ROBO2: variants seen among roughly 807,000 people sequenced by gnomAD.
ROBO2 encodes roundabout guidance receptor 2.
Under a neutral mutation model 160.8 loss-of-function variants are expected in ROBO2, and 53 were observed. The observed-to-expected ratio is 0.33, with a 90% confidence interval of 0.26 to 0.41. ROBO2 has a LOEUF of 0.41. Ranked by LOEUF, ROBO2 falls within the 10% of genes least tolerant of loss-of-function variation. The pLI, the probability that ROBO2 is intolerant of heterozygous loss-of-function variation, is 1.00. For missense variants in ROBO2, 1,577 were observed against 1,722.4 expected (o/e 0.92, Z 1.49); for synonymous variants, 664 against 611.7 (o/e 1.09, Z -1.26).
intron 1 of ROBO2, among the ~76,000 whole-genome samples, chr3:75,918,705 C>A (rs1201587566): frequency 6.6e-6 from 1 of 151,954 alleles, no homozygotes; most frequent in Non-Finnish European, 1.5e-5. Flanking sequence ...CCTGTCATTT[C>A]CTTGAGCTCT....
chr3:77,649,899 A>G (rs997993808), exon 26 of ROBO2: 4 of 152,174 alleles, frequency 2.6e-5, no homozygotes, highest in African/African-American at 9.6e-5. Flanking sequence ...ATCGGTTAAT[A>G]GTATTGTCAA....
chr3:76,753,006 G>A (rs1368741127), intron 2 of ROBO2, among the ~76,000 whole-genome samples: 2 of 151,796 alleles, frequency 1.3e-5, no homozygotes, highest in African/African-American at 2.4e-5. Context: ...TTTATCATTT[G>A]GATATTAATT....
Position 76,043,486 on chromosome 3 carries a change from G to GTCA in ROBO2, c.109+105884_109+105885insTCA, listed in dbSNP as rs1273409513. On this transcript the variant is annotated intron_variant, in intron 2 of 26. Transcript: ENST00000487694. The stretch of plus-strand genomic sequence containing the variant: ...ACTGAATTTCCCTTAGTCCTGCTGA[G>GTCA]GGCTGATCCTCTACTCTGTAAAGAC... Among the ~76,000 whole-genome samples, 13 of 151,356 alleles carry GTCA rather than the reference G, an allele frequency of 8.6e-5. 1 individual carries two copies. Among genetic ancestry groups the GTCA allele is most frequent in the African/African-American group, 3.2e-4 (13 of 41,002 alleles).
At chr3:76,432,686 G>A (rs1423948248) in intron 2 of ROBO2, among the ~76,000 whole-genome samples, 2 of 152,126 alleles carry the variant, frequency 1.3e-5, no homozygotes, top group African/African-American at 4.8e-5. Flanking sequence ...TGCCTTTAAA[G>A]ACCTTGCCTT....
At chr3:76,577,646 C>G (rs959414446) in intron 2 of ROBO2, among the ~76,000 whole-genome samples, 1 of 152,030 alleles carries the variant, frequency 6.6e-6, no homozygotes, top group African/African-American at 2.4e-5. Flanking sequence ...AAATTAGAAG[C>G]AATTTAACAC....
At chr3:77,485,108 C>T (rs1375116869) in intron 4 of ROBO2, among the ~76,000 whole-genome samples, 2 of 152,014 alleles carry the variant, frequency 1.3e-5, no homozygotes, top group Non-Finnish European at 1.5e-5. Flanking sequence ...TTTTGTCTTC[C>T]TTGTCTGGAA....
At chr3:76,025,555 T>A (rs1323988664) in intron 2 of ROBO2, among the ~76,000 whole-genome samples, 1 of 151,760 alleles carries the variant, frequency 6.6e-6, no homozygotes, top group Non-Finnish European at 1.5e-5. Flanking sequence ...TTTGAAGTTT[T>A]GCATAAAATA....
intron 1 of ROBO2, among the ~76,000 whole-genome samples, chr3:77,077,262 A>G (rs1449087571): frequency 6.6e-6 from 1 of 152,206 alleles, no homozygotes; most frequent in Non-Finnish European, 1.5e-5. Context: ...TTGGTAAAGC[A>G]CTGGTGTCTA....
chr3:76,624,473 G>T (rs2089467176), intron 2 of ROBO2, among the ~76,000 whole-genome samples: 1 of 151,732 alleles, frequency 6.6e-6, no homozygotes, highest in South Asian at 2.1e-4. Context: ...ATTTCTCATT[G>T]CCCAGAAAGC....
chr3:77,609,980 T>G (rs539631772), intron 21 of ROBO2, among the ~76,000 whole-genome samples: 106 of 150,732 alleles, frequency 7.0e-4, no homozygotes, highest in Non-Finnish European at 1.4e-3. Context: ...TGAGCTCAGT[T>G]TTTAAAAGGC....
At chr3:76,434,707 G>GC in intron 2 of ROBO2, 1 of 1,080,018 alleles carries the variant, frequency 9.3e-7, no homozygotes, top group South Asian at 1.2e-5. Flanking sequence ...CACCAGGCAG[G>GC]CCCCCCTCCT....
intron 2 of ROBO2, among the ~76,000 whole-genome samples, chr3:76,854,077 TGC>T (rs879396254): frequency 0.16 from 12,362 of 76,168 alleles, 798 homozygotes; most frequent in South Asian, 0.21. Context: ...TTTCTCTGTC[TGC>T]CTCTCTCTCT....
chr3:75,967,450 C>T (rs1949155871), intron 2 of ROBO2, among the ~76,000 whole-genome samples: 1 of 151,228 alleles, frequency 6.6e-6, no homozygotes, highest in African/African-American at 2.4e-5. Flanking sequence ...CTAGGTGTCC[C>T]TAGGATTACT....
chr3:77,580,267 T>C (rs1559656375), intron 16 of ROBO2, 149 bp downstream of exon 17: 3 of 779,572 alleles, frequency 3.8e-6, no homozygotes. Context: ...CTGACTAGAG[T>C]TTTTTACAAA....
intron 2 of ROBO2, among the ~76,000 whole-genome samples, chr3:76,744,843 A>G (rs114746270): frequency 0.011 from 1,677 of 152,306 alleles, 27 homozygotes; most frequent in African/African-American, 0.038. Flanking sequence ...TTTAGCTTGA[A>G]AAGAATTTGT....
At chr3:76,949,337 A>G (rs532057113) in intron 2 of ROBO2, among the ~76,000 whole-genome samples, 36 of 152,138 alleles carry the variant, frequency 2.4e-4, no homozygotes, top group Non-Finnish European at 4.4e-4. Flanking sequence ...AGCTGCATCC[A>G]GTCCCCAACC....
At chr3:76,026,455 G>A (rs1420336076) in intron 2 of ROBO2, among the ~76,000 whole-genome samples, 2 of 151,766 alleles carry the variant, frequency 1.3e-5, no homozygotes, top group Non-Finnish European at 1.5e-5. Flanking sequence ...TGAATTACTG[G>A]AGTGAGGAAA....
chr3:76,237,687 A>C (rs1705027497), intron 2 of ROBO2, among the ~76,000 whole-genome samples: 1 of 152,216 alleles, frequency 6.6e-6, no homozygotes, highest in African/African-American at 2.4e-5. Flanking sequence ...ATGATTACTG[A>C]TGTGTGGCTA....
chr3:76,605,194 T>C (rs1161498768), intron 2 of ROBO2, among the ~76,000 whole-genome samples: 3 of 152,188 alleles, frequency 2.0e-5, no homozygotes, highest in East Asian at 3.8e-4. Flanking sequence ...CTTTCTAAAA[T>C]AGTTATATAC....
Sources: allele counts gnomAD v4.1 joint callset (sites outside exome capture counted in the v4.1 genomes callset), GRCh38; gene constraint gnomAD v4.1.1; transcripts MANE v1.5; gene names NCBI Gene and HGNC (gene_info 2026-07-23, HGNC 2026-07-21).